LHFPL3: variants seen among roughly 807,000 people sequenced by gnomAD.
The protein encoded by LHFPL3 is LHFPL tetraspan subfamily member 3 protein.
LHFPL3 carries 5 observed loss-of-function variants against 19.3 expected under a neutral mutation model. The observed-to-expected ratio is 0.26, with a 90% CI of 0.14 to 0.54. The LOEUF (loss-of-function observed/expected upper bound fraction) is 0.54, where lower values mean the gene tolerates loss of function less well. Ranked by LOEUF, LHFPL3 falls within the 20% of genes least tolerant of loss-of-function variation. The probability of loss-of-function intolerance (pLI) is 0.94; values close to 1 mark genes in which losing one functional copy is unlikely to be tolerated. For missense variants in LHFPL3, 249 were observed against 307.4 expected (o/e 0.81, Z 1.42); for synonymous variants, 133 against 126.2 (o/e 1.05, Z -0.36).
chr7:104,762,344 A>G (rs1036333824), intron 2 of LHFPL3, among the ~76,000 whole-genome samples: 7 of 152,244 alleles, frequency 4.6e-5, no homozygotes, highest in Non-Finnish European at 8.8e-5. Flanking sequence ...ATAGCAATCT[A>G]GAATGTCATG....
chr7:104,743,369 T>A (rs527243484), intron 2 of LHFPL3, among the ~76,000 whole-genome samples: 1 of 152,284 alleles, frequency 6.6e-6, no homozygotes, highest in East Asian at 1.9e-4. Flanking sequence ...GAGCCCCAGA[T>A]CATAGACAGA....
At chr7:104,726,331 A>AT (rs1793591313) in intron 1 of LHFPL3, among the ~76,000 whole-genome samples, 4 of 102,556 alleles carry the variant, frequency 3.9e-5, no homozygotes, top group African/African-American at 9.9e-5. Context: ...TGGACCAAAG[A>AT]CTATTTTTTT....
At chr7:104,469,904 T>A (rs1792873629) in intron 1 of LHFPL3, 1 of 402,730 alleles carries the variant, frequency 2.5e-6, no homozygotes, top group Non-Finnish European at 5.0e-6. Flanking sequence ...AATATCTATA[T>A]CTAACCTAAC....
rs76767583 is a variant in LHFPL3 at position 104,473,551 on chromosome 7, C to G, written c.445+144327C>G. ...ACTTTGTGCCTATCTATCCATTCAT[C>G]ATGGTGGAAAATTTGGGCTCTGGGA... On this transcript the variant is annotated intron_variant, in intron 1 of 2. Transcript: ENST00000424859. Among the ~76,000 whole-genome samples, 631 of 152,314 alleles carry G rather than the reference C, an allele frequency of 4.1e-3. 9 individuals are homozygous for G. The highest frequency in any genetic ancestry group is 0.014 in the African/African-American group (595 of 41,566).
chr7:104,650,397 A>G (rs148663171), intron 1 of LHFPL3, among the ~76,000 whole-genome samples: 1 of 152,358 alleles, frequency 6.6e-6, no homozygotes, highest in Non-Finnish European at 1.5e-5. Context: ...GGGTGATGGT[A>G]GAAATCATTG....
chr7:104,890,314 G>A (rs1184897082), intron 2 of LHFPL3, among the ~76,000 whole-genome samples: 1 of 152,120 alleles, frequency 6.6e-6, no homozygotes, highest in African/African-American at 2.4e-5. Context: ...AAAAACAAGT[G>A]GTTGGGAGAT....
chr7:104,813,413 G>A (rs1364671580), intron 2 of LHFPL3, among the ~76,000 whole-genome samples: 1 of 152,196 alleles, frequency 6.6e-6, no homozygotes. Context: ...AAGTGTTATG[G>A]GATCTTTGGG....
intron 1 of LHFPL3, among the ~76,000 whole-genome samples, chr7:104,393,471 A>G (rs1220992505): frequency 6.6e-6 from 1 of 152,052 alleles, no homozygotes; most frequent in African/African-American, 2.4e-5. Flanking sequence ...TAATCCCAAC[A>G]CTTTGGGAGG....
intron 1 of LHFPL3, among the ~76,000 whole-genome samples, chr7:104,360,743 A>G (rs371055240): frequency 1.1e-4 from 14 of 130,912 alleles, no homozygotes; most frequent in Non-Finnish European, 1.8e-4. Flanking sequence ...GTGTGTGTGT[A>G]TACATTTACA....
intron 1 of LHFPL3, among the ~76,000 whole-genome samples, chr7:104,721,561 C>G (rs894014484): frequency 1.3e-5 from 2 of 152,004 alleles, no homozygotes; most frequent in Admixed American, 1.3e-4. Context: ...TCAGGCCAGC[C>G]TGATGTAGGA....
chr7:104,840,301 G>A (rs573880290), intron 2 of LHFPL3, among the ~76,000 whole-genome samples: 2 of 112,150 alleles, frequency 1.8e-5, no homozygotes, highest in South Asian at 3.2e-4. Flanking sequence ...CTTTTCTTGT[G>A]GGTTTTCTTT....
At chr7:104,335,252 G>A (rs1297220930) in intron 1 of LHFPL3, among the ~76,000 whole-genome samples, 1 of 152,184 alleles carries the variant, frequency 6.6e-6, no homozygotes, top group Non-Finnish European at 1.5e-5. Context: ...TCAGTGCCAA[G>A]GAGTGACCCT....
At chr7:104,886,924 C>T (rs1204781158) in intron 2 of LHFPL3, among the ~76,000 whole-genome samples, 3 of 152,214 alleles carry the variant, frequency 2.0e-5, no homozygotes, top group South Asian at 2.1e-4. Context: ...CCGGGGTCCC[C>T]GGGGTCCCCA....
chr7:104,814,311 T>G (rs1790525894), intron 2 of LHFPL3, among the ~76,000 whole-genome samples: 1 of 152,102 alleles, frequency 6.6e-6, no homozygotes, highest in African/African-American at 2.4e-5. Flanking sequence ...TCTCTGCACC[T>G]GGTCGACTCA....
At chr7:104,489,839 G>A (rs534943484) in intron 1 of LHFPL3, among the ~76,000 whole-genome samples, 1 of 152,130 alleles carries the variant, frequency 6.6e-6, no homozygotes, top group Non-Finnish European at 1.5e-5. Context: ...TTTTGTGGAG[G>A]ATCAGTTCAG....
chr7:104,610,681 G>C (rs764954), intron 1 of LHFPL3, among the ~76,000 whole-genome samples: 1 of 152,180 alleles, frequency 6.6e-6, no homozygotes, highest in Admixed American at 6.6e-5. Context: ...ATTCTATTCA[G>C]ATCTTCAATA....
chr7:104,586,066 A>G (rs1031042001), intron 1 of LHFPL3, among the ~76,000 whole-genome samples: 1 of 152,128 alleles, frequency 6.6e-6, no homozygotes, highest in African/African-American at 2.4e-5. Context: ...TTACGTGAAA[A>G]ATGAATAGAA....
At chr7:104,434,709 A>G (rs147893040) in intron 1 of LHFPL3, among the ~76,000 whole-genome samples, 18 of 152,302 alleles carry the variant, frequency 1.2e-4, no homozygotes, top group African/African-American at 4.3e-4. Context: ...CTAGTGTGCA[A>G]ATAGATTTGA....
chr7:104,752,050 A>T (rs1389947644), intron 2 of LHFPL3, among the ~76,000 whole-genome samples: 2 of 152,036 alleles, frequency 1.3e-5, no homozygotes, highest in African/African-American at 4.8e-5. Flanking sequence ...GCCAGTATTG[A>T]TAGGCTACTG....
Sources: allele counts gnomAD v4.1 joint callset (sites outside exome capture counted in the v4.1 genomes callset), GRCh38; gene constraint gnomAD v4.1.1; transcripts MANE v1.5; gene names NCBI Gene and HGNC (gene_info 2026-07-23, HGNC 2026-07-21).